GIMAP6: variants seen among roughly 807,000 people sequenced by gnomAD.
GIMAP6 encodes the protein GTPase, IMAP family member 6, also known as GTPase IMAP family member 6.
In GIMAP6, 6 loss-of-function variants were observed where a neutral mutation model predicts 9.3. That is an observed-to-expected ratio of 0.65 (90% CI 0.35 to 1.27). The LOEUF (loss-of-function observed/expected upper bound fraction) is 1.27. Among genes scored for constraint, GIMAP6 ranks in the 50% most tolerant of loss-of-function variants. The pLI, the probability that GIMAP6 is intolerant of heterozygous loss-of-function variation, is 0.03. For synonymous variants in GIMAP6, 156 were observed against 151.1 expected, an observed-to-expected ratio of 1.03 and a Z score of -0.24; for missense variants, 333 against 359.5, an observed-to-expected ratio of 0.93 and a Z score of 0.60.
chr7:150,628,397 C>A lies in GIMAP6; in HGVS notation c.201G>T (p.Glu67Asp), dbSNP rs768604637. Reference protein sequence around the residue: ...GNSILGRDVFESKLSTRPVTK... With the variant: ...GNSILGRDVFDSKLSTRPVTK... ...TCACGGGTCTGGTGCTGAGTTTAGACTCGAAGACGTCCCTGCCGAGGATGC... is the reference window on the plus strand; with the variant it reads ...TCACGGGTCTGGTGCTGAGTTTAGAATCGAAGACGTCCCTGCCGAGGATGC... Residue 67 changes from glutamate to aspartate, a missense_variant, in exon 3 of 3, where the codon GAG becomes GAT. Glu to Asp is a conservative substitution (Grantham distance 45). Transcript: ENST00000328902. 6.2e-7 allele frequency: 1 copy of A among 1,614,168 alleles called. No homozygotes were observed. The highest frequency in any genetic ancestry group is 8.5e-7 in the Non-Finnish European group (1 of 1,179,990).
At chr7:150,629,409 A>ATTATTTACAT (rs1796354864) in intron 2 of GIMAP6, among the ~76,000 whole-genome samples, 1 of 152,232 alleles carries the variant, frequency 6.6e-6, no homozygotes, top group Non-Finnish European at 1.5e-5. Context: ...AAGGTCATTC[A>ATTATTTACAT]TATTAAAATA....
At chr7:150,628,792 T>A (rs1419712764) in intron 2 of GIMAP6, 1 of 1,385,080 alleles carries the variant, frequency 7.2e-7, no homozygotes, top group Admixed American at 3.0e-5. Flanking sequence ...TAGATATGAC[T>A]GGGGAAGAAG....
Position 150,628,055 on chromosome 7 carries a change from G to T in GIMAP6, c.543C>A (p.Asn181Lys). Residue 181 changes from asparagine (N) to lysine (K), a missense_variant, in exon 3 of 3, where the codon AAC becomes AAA. Transcript: ENST00000328902. ...CATCCAGCCAGGCAAGGGCCTGGTTGTTGGTCTCTCGCACATAGTCTTCCA... is the reference window on the plus strand; with the variant it reads ...CATCCAGCCAGGCAAGGGCCTGGTTTTTGGTCTCTCGCACATAGTCTTCCA... ...GSLEDYVRET[N>K]NQALAWLDVT... is the part of the protein sequence containing the mutation. 1 of 1,614,200 alleles carries T rather than the reference G, an allele frequency of 6.2e-7. No individual in the cohort carries two copies. The highest frequency in any genetic ancestry group is 8.5e-7 in the Non-Finnish European group (1 of 1,180,016).
Position 150,626,473 on chromosome 7 carries a change from G to A in GIMAP6, c.*1246C>T, listed in dbSNP as rs1796295796. ...CGGGGCACATCAGTCTCCTCTTGCTGGCAGGCAGCTTCCTATCCGAGGCCT... is the reference window on the plus strand; with the variant it reads ...CGGGGCACATCAGTCTCCTCTTGCTAGCAGGCAGCTTCCTATCCGAGGCCT... On this transcript the variant is annotated 3_prime_UTR_variant, in exon 3 of 3. Coordinates refer to ENST00000328902, the MANE Select transcript of GIMAP6 (RefSeq NM_024711.6). 1 of 152,282 alleles carries A rather than the reference G, an allele frequency of 6.6e-6. No individual in the cohort carries two copies. Among genetic ancestry groups the A allele is most frequent in the Admixed American group, 6.5e-5 (1 of 15,288 alleles). 9.4% of individuals were successfully genotyped at this position (152,282 alleles called of 1,614,324 possible).
rs1443941512 is a variant in GIMAP6 at position 150,626,348 on chromosome 7, A to G, written c.*1371T>C. ...GCAGCTTGAAGAAAGGAAAAGAGGA[A>G]TATATTGGGGAGCAGTTTCCCCAAT... is the stretch of plus-strand genomic sequence containing the variant. On this transcript the variant is annotated 3_prime_UTR_variant, in exon 3 of 3. Coordinates refer to ENST00000328902, the MANE Select transcript of GIMAP6 (RefSeq NM_024711.6). 2.0e-5 allele frequency: 3 copies of G among 152,254 alleles called. No homozygotes were observed. Among genetic ancestry groups the G allele is most frequent in the Non-Finnish European group, 4.4e-5 (3 of 68,074 alleles). 9.4% of individuals were successfully genotyped at this position (152,254 alleles called of 1,614,324 possible). A position where few individuals can be genotyped will look rare whatever the true frequency, so the allele number is the denominator to read the frequency against.
rs373004176 is a variant in GIMAP6, at chr7:150,628,304, G to A, written c.294C>T (p.Asn98=). 223 of 1,614,074 alleles carry A rather than the reference G, an allele frequency of 1.4e-4. 1 individual carries two copies. Among genetic ancestry groups the A allele is most frequent in the Non-Finnish European group, 3.1e-5 (36 of 1,180,024 alleles). The change falls in exon 3 of 3, where the codon AAC becomes AAT. Residue 98 remains asparagine, a synonymous_variant. Coordinates refer to ENST00000328902, the MANE Select transcript of GIMAP6 (RefSeq NM_024711.6). ...GKELEVIDTP[N]ILSPQVSPEV... is the part of the protein sequence containing the mutation. The stretch of plus-strand genomic sequence containing the variant: ...CTGGCGAGACCTGGGGGGACAGAAT[G>A]TTGGGTGTGTCAATCACCTCAAGCT...
chr7:150,632,025 TACACACACAACACAA>T (rs1796400025), intron 1 of GIMAP6, 129 bp downstream of exon 1: 1 of 151,402 alleles, frequency 6.6e-6, no homozygotes, highest in Non-Finnish European at 1.5e-5. Context: ...AACACTCACA[TACACACACAACACAA>T]ACATCACACA....
intron 2 of GIMAP6, chr7:150,628,865 T>C: frequency 1.5e-6 from 1 of 681,450 alleles, no homozygotes; most frequent in Non-Finnish European, 2.3e-6. Context: ...CATAAAGAAG[T>C]GACAAGTAAT....
In GIMAP6 at chr7:150,626,518, C is replaced by A. The variant is rs1332866317; in HGVS notation, c.*1201G>T. The A allele has an allele frequency of 6.6e-6, 1 of 152,224 alleles. No individual in the cohort carries two copies. Among genetic ancestry groups the A allele is most frequent in the Non-Finnish European group, 1.5e-5 (1 of 68,054 alleles). The allele number at this position is 152,224 out of a possible 1,614,324, so 9.4% of individuals were successfully genotyped here. ...AGGCCTGAGACAGGATGACATCCTA[C>A]TCCCTTCTCATCCTGTCCAGTATCA... On this transcript the variant is annotated 3_prime_UTR_variant, in exon 3 of 3. Coordinates refer to ENST00000328902, the MANE Select transcript of GIMAP6 (RefSeq NM_024711.6).
rs1796310168 is a variant in GIMAP6 at position 150,627,283 on chromosome 7, G to A, written c.*436C>T. ...ACCATCATGGTGTGGGGAGAGATGAGAAGTCATCTGGTCAACAGCTTGCAT... is the reference window on the plus strand; with the variant it reads ...ACCATCATGGTGTGGGGAGAGATGAAAAGTCATCTGGTCAACAGCTTGCAT... On this transcript the variant is annotated 3_prime_UTR_variant, in exon 3 of 3. Transcript: ENST00000328902. The A allele has an allele frequency of 4.5e-6, 1 of 223,108 alleles. No homozygotes were observed. The highest frequency in any genetic ancestry group is 9.0e-6 in the Non-Finnish European group (1 of 110,722). 13.8% of individuals were successfully genotyped at this position (223,108 alleles called of 1,614,324 possible).
Position 150,628,408 on chromosome 7 carries a change from C to A in GIMAP6, c.190G>T (p.Asp64Tyr). ...GTGCTGAGTTTAGACTCGAAGACGTCCCTGCCGAGGATGCTGTTTCCTGTT... is the reference window on the plus strand; with the variant it reads ...GTGCTGAGTTTAGACTCGAAGACGTACCTGCCGAGGATGCTGTTTCCTGTT... Reference protein sequence around the residue: ...SATGNSILGRDVFESKLSTRP... With the variant: ...SATGNSILGRYVFESKLSTRP... The change falls in exon 3 of 3, where the codon GAC (aspartate) becomes TAC (tyrosine). Residue 64 changes from aspartate (D) to tyrosine (Y), a missense_variant. Physicochemically the swap from Asp to Tyr is radical, Grantham distance 160. Transcript: ENST00000328902. The A allele has an allele frequency of 6.2e-7, 1 of 1,614,188 alleles. No individual in the cohort carries two copies. The highest frequency in any genetic ancestry group is 8.5e-7 in the Non-Finnish European group (1 of 1,180,022).
At chr7:150,630,211 C>CT (rs1796369965) in intron 1 of GIMAP6, 69 bp from the exon 2 acceptor site, 4 of 1,276,622 alleles carry the variant, frequency 3.1e-6, no homozygotes, top group Non-Finnish European at 3.2e-6. Context: ...CAACAGCCAC[C>CT]TGCCTTTCGC....
In GIMAP6 at chr7:150,630,147, A is replaced by AAC; in HGVS notation, c.1-6_1-5insGT. 1.2e-5 allele frequency: 1 copy of AAC among 82,602 alleles called. No individual in the cohort carries two copies. The highest frequency in any genetic ancestry group is 2.2e-5 in the Non-Finnish European group (1 of 45,182). The allele number at this position is 82,602 out of a possible 1,614,324, so 5.1% of individuals were successfully genotyped here. ...TTCATATTCTTCTTCCTCCATCTAC[A>AAC]AAAAAAAAAAAAAAAAAAAAATCAT... is the stretch of plus-strand genomic sequence containing the variant. On this transcript the variant is annotated splice_polypyrimidine_tract_variant and splice_region_variant and intron_variant, in intron 1 of 2. Coordinates refer to ENST00000328902, the MANE Select transcript of GIMAP6 (RefSeq NM_024711.6).
chr7:150,626,554 A>G lies in GIMAP6; in HGVS notation c.*1165T>C, dbSNP rs1333167315. On this transcript the variant is annotated 3_prime_UTR_variant, in exon 3 of 3. Transcript: ENST00000328902. ...TCCTGTCCAGTATCAGTACTTATAA[A>G]CCCCGTCTGTAGGAACAGCCTTCCA... 6.6e-6 allele frequency: 1 copy of G among 151,766 alleles called. No homozygotes were observed. The highest frequency in any genetic ancestry group is 2.4e-5 in the African/African-American group (1 of 41,268). 9.4% of individuals were successfully genotyped at this position (151,766 alleles called of 1,614,324 possible). A position where few individuals can be genotyped will look rare whatever the true frequency, so the allele number is the denominator to read the frequency against.
At chr7:150,629,168 A>G (rs367565160) in intron 2 of GIMAP6, among the ~76,000 whole-genome samples, 21 of 152,376 alleles carry the variant, frequency 1.4e-4, no homozygotes, top group African/African-American at 5.0e-4. Flanking sequence ...GCAGAGCCAG[A>G]GGAGACAGGA....
intron 2 of GIMAP6, 53 bp from the exon 3 acceptor site, chr7:150,628,565 C>A: frequency 6.2e-7 from 1 of 1,602,820 alleles, no homozygotes; most frequent in Non-Finnish European, 8.5e-7. Context: ...CCATGTACCC[C>A]ATCTTGTCAT....
intron 2 of GIMAP6, chr7:150,628,895 TC>T (rs1442658415): frequency 1.8e-6 from 1 of 570,954 alleles, no homozygotes; most frequent in Non-Finnish European, 2.9e-6. Context: ...CCCAGTCTTG[TC>T]CCCACTGAAG....
In GIMAP6 at chr7:150,630,018, A is replaced by T. The variant is rs563872736; in HGVS notation, c.85+40T>A. 4.4e-6 allele frequency: 6 copies of T among 1,373,322 alleles called. No homozygotes were observed. In the South Asian group the frequency reaches 6.0e-5, roughly 14 times the overall value. 85.1% of individuals were successfully genotyped at this position (1,373,322 alleles called of 1,614,324 possible). A position where few individuals can be genotyped will look rare whatever the true frequency, so the allele number is the denominator to read the frequency against. On this transcript the variant is annotated intron_variant, in intron 2 of 2. Transcript: ENST00000328902. ...TGGAGCTGTGTCCCACCTGCACCCC[A>T]AATGTTTCCCACTTGCTCCCCTCTC...
intron 2 of GIMAP6, among the ~76,000 whole-genome samples, chr7:150,629,177 G>C (rs928387734): frequency 6.6e-6 from 1 of 152,196 alleles, no homozygotes; most frequent in South Asian, 2.1e-4. Context: ...GAGGAGACAG[G>C]AACCCCCATC....
Sources: allele counts gnomAD v4.1 joint callset (sites outside exome capture counted in the v4.1 genomes callset), GRCh38; gene constraint gnomAD v4.1.1; transcripts MANE v1.5; gene names NCBI Gene and HGNC (gene_info 2026-07-23, HGNC 2026-07-21).